PPM1E: variants seen among roughly 807,000 people sequenced by gnomAD.
PPM1E encodes the protein protein phosphatase, Mg2+/Mn2+ dependent 1E.
Under a neutral mutation model 65.9 loss-of-function variants are expected in PPM1E, and 20 were observed. The observed-to-expected ratio is 0.30, with a 90% CI of 0.21 to 0.44. The LOEUF is 0.44. PPM1E is among the 20% of genes least tolerant of loss of function. The pLI is 1.00. For missense variants in PPM1E, 713 were observed against 953.1 expected, an observed-to-expected ratio of 0.75 and a Z score of 3.32; for synonymous variants, 352 against 374.9, an observed-to-expected ratio of 0.94 and a Z score of 0.70.
At chr17:58,822,590 C>T (rs970424818) in intron 1 of PPM1E, among the ~76,000 whole-genome samples, 6 of 151,988 alleles carry the variant, frequency 3.9e-5, no homozygotes, top group South Asian at 2.1e-4. Flanking sequence ...AAAAATAGAA[C>T]GGGGTAACAT....
chr17:58,924,734 C>G (rs1193504636), intron 1 of PPM1E, among the ~76,000 whole-genome samples: 1 of 149,950 alleles, frequency 6.7e-6, no homozygotes, highest in South Asian at 2.2e-4. Context: ...CCTTGCCCCC[C>G]ACCCCCCAAC....
intron 1 of PPM1E, among the ~76,000 whole-genome samples, chr17:58,827,551 C>G (rs752491021): frequency 1.3e-5 from 2 of 152,092 alleles, no homozygotes; most frequent in Non-Finnish European, 1.5e-5. Flanking sequence ...TAGATTTATT[C>G]AGATATTCTG....
chr17:58,934,046 CCACTG>C (rs1265393265), intron 1 of PPM1E, among the ~76,000 whole-genome samples: 1 of 147,904 alleles, frequency 6.8e-6, no homozygotes, highest in Non-Finnish European at 1.5e-5. Flanking sequence ...CAAGATCAAG[CCACTG>C]CACTCCAGCC....
chr17:58,805,576 C>A (rs551729226), intron 1 of PPM1E, among the ~76,000 whole-genome samples: 1 of 152,012 alleles, frequency 6.6e-6, no homozygotes, highest in Non-Finnish European at 1.5e-5. Context: ...TATCCCTCAC[C>A]CCCTATTATT....
chr17:58,762,281 T>G (rs561736157), intron 1 of PPM1E, among the ~76,000 whole-genome samples: 7 of 151,550 alleles, frequency 4.6e-5, no homozygotes, highest in Non-Finnish European at 8.8e-5. Flanking sequence ...GGCAGATTGC[T>G]TGAGTCTTGG....
At chr17:58,797,939 A>G (rs763429506) in intron 1 of PPM1E, among the ~76,000 whole-genome samples, 1 of 152,210 alleles carries the variant, frequency 6.6e-6, no homozygotes, top group Non-Finnish European at 1.5e-5. Flanking sequence ...TATTGAGGAC[A>G]AATGTAAAAA....
Position 58,980,316 on chromosome 17 carries a change from A to AT in PPM1E, c.1554dup (p.Lys519Ter). ...GGAGGGCAAGAAGATGGTGGGGATG[A>AT]TAAGGAGAATCATGGAGAGTGCAAA... On this transcript the variant is annotated frameshift_variant, in exon 7 of 7. Coordinates refer to ENST00000308249, the MANE Select transcript of PPM1E (RefSeq NM_014906.5). LOFTEE classifies it high-confidence loss of function. The surrounding 1 kb of genome is among the most constrained non-coding windows in gnomAD (Gnocchi z 4.7). The AT allele has an allele frequency of 6.2e-7, 1 of 1,614,136 alleles. No individual in the cohort carries two copies. The highest frequency in any genetic ancestry group is 8.5e-7 in the Non-Finnish European group (1 of 1,180,034).
intron 1 of PPM1E, among the ~76,000 whole-genome samples, chr17:58,810,190 A>G (rs918280748): frequency 1.3e-5 from 2 of 151,968 alleles, no homozygotes; most frequent in Non-Finnish European, 2.9e-5. Context: ...AGAATAATTC[A>G]TATGTGGTGC....
chr17:58,865,658 G>A (rs1370516289), intron 1 of PPM1E, among the ~76,000 whole-genome samples: 2 of 152,182 alleles, frequency 1.3e-5, no homozygotes, highest in African/African-American at 4.8e-5. Flanking sequence ...CATGATTGCA[G>A]CCACTGCTCT....
rs371459124 is a variant in PPM1E, at chr17:58,983,028, T to C, written c.*1997T>C. 1.3e-3 allele frequency: 1,330 copies of C among 1,045,106 alleles called. 16 individuals are homozygous for C. In the South Asian group the frequency reaches 0.019, roughly 15 times the overall value. The allele number at this position is 1,045,106 out of a possible 1,614,324, so 64.7% of individuals were successfully genotyped here. A position where few individuals can be genotyped will look rare whatever the true frequency, so the allele number is the denominator to read the frequency against. The stretch of plus-strand genomic sequence containing the variant: ...TTTTTAAAATTTCTATTGTTGTCTA[T>C]TGGTAATGTTTTTGATCAGAATAAA... On this transcript the variant is annotated 3_prime_UTR_variant, in exon 7 of 7. Coordinates refer to ENST00000308249, the MANE Select transcript of PPM1E (RefSeq NM_014906.5).
At chr17:58,820,702 A>G (rs2050471065) in intron 1 of PPM1E, among the ~76,000 whole-genome samples, 1 of 152,212 alleles carries the variant, frequency 6.6e-6, no homozygotes, top group Non-Finnish European at 1.5e-5. Context: ...ATAGGGTCCA[A>G]ATGGTGCTAG....
At chr17:58,892,850 A>G (rs2051365135) in intron 1 of PPM1E, among the ~76,000 whole-genome samples, 1 of 152,222 alleles carries the variant, frequency 6.6e-6, no homozygotes, top group African/African-American at 2.4e-5. Flanking sequence ...TGGCAAATAA[A>G]CATATGAAAA....
intron 1 of PPM1E, among the ~76,000 whole-genome samples, chr17:58,870,060 G>A (rs1231026466): frequency 5.3e-5 from 8 of 152,130 alleles, no homozygotes; most frequent in African/African-American, 1.7e-4. Flanking sequence ...AATCAAGCAG[G>A]TTCTCTTCTA....
chr17:58,852,849 A>G (rs759131368), intron 1 of PPM1E, among the ~76,000 whole-genome samples: 2 of 152,010 alleles, frequency 1.3e-5, no homozygotes, highest in Non-Finnish European at 2.9e-5. Flanking sequence ...TGATTCGCCT[A>G]CCTTGGCCTT....
At chr17:58,916,871 A>G (rs569838669) in intron 1 of PPM1E, among the ~76,000 whole-genome samples, 16 of 152,330 alleles carry the variant, frequency 1.1e-4, no homozygotes, top group South Asian at 6.2e-4. Flanking sequence ...GTATTATTAT[A>G]TAAGACTAGT....
At chr17:58,862,066 A>G (rs905806104) in intron 1 of PPM1E, among the ~76,000 whole-genome samples, 3 of 152,244 alleles carry the variant, frequency 2.0e-5, no homozygotes, top group African/African-American at 7.2e-5. Flanking sequence ...GTTTTTAATT[A>G]GCTGCCTTAC....
chr17:58,955,764 G>T lies in PPM1E; in HGVS notation c.580G>T (p.Val194Leu). The change falls in exon 2 of 7, where the codon GTG becomes TTG. Residue 194 changes from valine to leucine, a missense_variant. Coordinates refer to ENST00000308249, the MANE Select transcript of PPM1E (RefSeq NM_014906.5). ...PKETDGTEGT[V>L]EIETVKLARS... is the part of the protein sequence containing the mutation. Reference sequence around the variant, plus strand: ...GGAAACGGATGGCACAGAAGGGACTGTGGGTGAGTACCTTTCTACATTATT... The same window carrying T: ...GGAAACGGATGGCACAGAAGGGACTTTGGGTGAGTACCTTTCTACATTATT... 1 of 1,596,096 alleles carries T rather than the reference G, an allele frequency of 6.3e-7. No individual in the cohort carries two copies. Among genetic ancestry groups the T allele is most frequent in the Non-Finnish European group, 8.5e-7 (1 of 1,175,496 alleles).
intron 1 of PPM1E, among the ~76,000 whole-genome samples, chr17:58,797,580 G>C (rs2143036432): frequency 6.6e-6 from 1 of 152,286 alleles, no homozygotes; most frequent in South Asian, 2.1e-4. Context: ...GTATTTGATT[G>C]TGTGAATGTA....
Position 58,984,290 on chromosome 17 carries a change from C to T in PPM1E, c.*3259C>T, listed in dbSNP as rs1390755171. ...GCATTTTCATGACAACCACACTCCA[C>T]TGTTGAAACACTGTGCCAGTGAGAA... On this transcript the variant is annotated 3_prime_UTR_variant, in exon 7 of 7. Coordinates refer to ENST00000308249, the MANE Select transcript of PPM1E (RefSeq NM_014906.5). 6.6e-6 allele frequency: 1 copy of T among 152,622 alleles called. No individual in the cohort carries two copies. Among genetic ancestry groups the T allele is most frequent in the East Asian group, 1.9e-4 (1 of 5,196 alleles). The allele number at this position is 152,622 out of a possible 1,614,324, so 9.5% of individuals were successfully genotyped here.
Sources: gnomAD v4.1 joint callset for allele counts (sites outside exome capture counted in the v4.1 genomes callset) on GRCh38, gnomAD v4.1.1 for gene constraint, Gnocchi (gnomAD v3.1) non-coding constraint, MANE v1.5 for transcripts, NCBI Gene and HGNC (gene_info 2026-07-23, HGNC 2026-07-21) for gene names.